NUP62CL: variants seen among roughly 807,000 people sequenced by gnomAD.
The protein encoded by NUP62CL is nucleoporin-62 C-terminal-like protein.
Under a neutral mutation model 15.3 loss-of-function variants are expected in NUP62CL, and 13 were observed. That is an observed-to-expected ratio of 0.85 (90% CI 0.55 to 1.35). The LOEUF (loss-of-function observed/expected upper bound fraction) is 1.35. Among genes scored for constraint, NUP62CL ranks in the 40% most tolerant of loss-of-function variants. NUP62CL has a pLI of 0.00. For synonymous variants in NUP62CL, 54 were observed against 49.2 expected (o/e 1.10, Z -0.41); for missense variants, 123 against 130.6 (o/e 0.94, Z 0.28).
chrX:107,139,331 C>A (rs1365661160), intron 8 of NUP62CL, among the ~76,000 whole-genome samples: 1 of 111,519 alleles, frequency 9.0e-6, no homozygotes, highest in East Asian at 2.8e-4. Flanking sequence ...ACAAGTAAAA[C>A]TGGGGAAATC....
intron 1 of NUP62CL, among the ~76,000 whole-genome samples, chrX:107,202,110 T>G (rs1047024794): frequency 1.8e-5 from 2 of 111,169 alleles, no homozygotes; most frequent in African/African-American, 6.5e-5. Context: ...GGGAAGGAAA[T>G]GAGATTGGGA....
chrX:107,181,553 TAA>T (rs1341611248), intron 2 of NUP62CL, among the ~76,000 whole-genome samples: 1 of 105,223 alleles, frequency 9.5e-6, no homozygotes, highest in Admixed American at 1.0e-4. Context: ...ATTACTTTCC[TAA>T]AAAAAAAAAT....
At chrX:107,166,712 C>T (rs1049407428) in intron 4 of NUP62CL, among the ~76,000 whole-genome samples, 3 of 111,321 alleles carry the variant, frequency 2.7e-5, no homozygotes, top group African/African-American at 9.8e-5. Context: ...ATGGTGCATC[C>T]ACAATACCAT....
intron 4 of NUP62CL, among the ~76,000 whole-genome samples, chrX:107,156,161 G>T (rs763050426): frequency 1.4e-4 from 16 of 111,803 alleles, no homozygotes; most frequent in Admixed American, 5.6e-4. Flanking sequence ...TGCTAGCACA[G>T]CAGTCTGAGA....
chrX:107,193,654 A>C (rs1030671235), intron 1 of NUP62CL, among the ~76,000 whole-genome samples: 2 of 111,043 alleles, frequency 1.8e-5, no homozygotes, highest in Non-Finnish European at 1.9e-5. Context: ...ACATTACTCA[A>C]AAGGGACATC....
chrX:107,135,698 A>T (rs1220259383), intron 8 of NUP62CL, among the ~76,000 whole-genome samples: 1 of 111,624 alleles, frequency 9.0e-6, no homozygotes, highest in Non-Finnish European at 1.9e-5. Context: ...CGCGTTGGCA[A>T]AAATAAATAA....
intron 2 of NUP62CL, among the ~76,000 whole-genome samples, chrX:107,191,341 T>G (rs1927236280): frequency 9.2e-6 from 1 of 108,404 alleles, no homozygotes; most frequent in African/African-American, 3.4e-5. Context: ...TTGATCCACC[T>G]TAAGGGGAAA....
rs1475788611 is a variant in NUP62CL, at chrX:107,160,476, G to T, written c.195-6230C>A. ...GAACAGAGCCCTCAGAAATAACGCCGCATACCTACAACTACCTGATCTTTG... is the reference window on the plus strand; with the variant it reads ...GAACAGAGCCCTCAGAAATAACGCCTCATACCTACAACTACCTGATCTTTG... On this transcript the variant is annotated intron_variant, in intron 4 of 8. Transcript: ENST00000372466. 2.8e-5 allele frequency among the ~76,000 whole-genome samples: 3 copies of T among 107,700 alleles called. No homozygotes were observed. The East Asian group carries it at 9.0e-4, about 32-fold the overall frequency. The allele number at this position is 107,700 out of a possible 115,157, so 93.5% of individuals were successfully genotyped here. A position where few individuals can be genotyped will look rare whatever the true frequency, so the allele number is the denominator to read the frequency against.
chrX:107,204,787 A>AATAAATTATTTAAATAAATTTT (rs1927599824), intron 1 of NUP62CL, among the ~76,000 whole-genome samples: 1 of 87,192 alleles, frequency 1.1e-5, no homozygotes, highest in Non-Finnish European at 2.1e-5. Flanking sequence ...AATAAATTTT[A>AATAAATTATTTAAATAAATTTT]AATAAATTAT....
chrX:107,162,312 C>A (rs1231178470), intron 4 of NUP62CL, among the ~76,000 whole-genome samples: 1 of 109,800 alleles, frequency 9.1e-6, no homozygotes, highest in African/African-American at 3.3e-5. Flanking sequence ...GACTGAAAAA[C>A]GTATTTAAAA....
intron 8 of NUP62CL, among the ~76,000 whole-genome samples, chrX:107,145,858 G>C (rs1428191693): frequency 1.8e-5 from 2 of 110,844 alleles, no homozygotes; most frequent in Non-Finnish European, 3.8e-5. Flanking sequence ...ACTTTTTGAA[G>C]AGTCCAAGCC....
chrX:107,154,009 G>A (rs1351961142), intron 5 of NUP62CL, 87 bp downstream of exon 5: 93 of 920,390 alleles, frequency 1.0e-4, no homozygotes, highest in Non-Finnish European at 1.4e-4. Flanking sequence ...CAACAACAAA[G>A]AAAACCACAA....
intron 1 of NUP62CL, among the ~76,000 whole-genome samples, chrX:107,201,265 A>G (rs1484291466): frequency 1.8e-5 from 2 of 111,584 alleles, no homozygotes; most frequent in African/African-American, 3.3e-5. Context: ...AGGTACACTC[A>G]TGATGTTATT....
intron 8 of NUP62CL, among the ~76,000 whole-genome samples, chrX:107,125,043 A>T (rs1047674027): frequency 2.7e-5 from 3 of 111,602 alleles, no homozygotes; most frequent in African/African-American, 9.8e-5. Flanking sequence ...CATAGGTTTA[A>T]ACTGCGCAAG....
At chrX:107,195,452 A>G (rs1237459017) in intron 1 of NUP62CL, among the ~76,000 whole-genome samples, 1 of 112,148 alleles carries the variant, frequency 8.9e-6, no homozygotes, top group Non-Finnish European at 1.9e-5. Flanking sequence ...AGGAACAACT[A>G]TCATGTCACA....
intron 2 of NUP62CL, among the ~76,000 whole-genome samples, chrX:107,185,563 T>C (rs1045020956): frequency 9.0e-5 from 10 of 110,719 alleles, no homozygotes; most frequent in Non-Finnish European, 1.9e-4. Flanking sequence ...GTATATGATA[T>C]CTAGAGTGAC....
intron 7 of NUP62CL, among the ~76,000 whole-genome samples, chrX:107,149,334 T>C (rs1276958489): frequency 8.9e-6 from 1 of 112,697 alleles, no homozygotes; most frequent in Non-Finnish European, 1.9e-5. Context: ...GGAATTACAA[T>C]GGTAATCTAA....
intron 1 of NUP62CL, among the ~76,000 whole-genome samples, chrX:107,203,722 A>G (rs1051368656): frequency 1.8e-5 from 2 of 111,966 alleles, no homozygotes; most frequent in African/African-American, 6.5e-5. Context: ...AAAAATAACA[A>G]AAAAGTATAT....
intron 7 of NUP62CL, chrX:107,150,959 A>G (rs990482855): frequency 2.9e-6 from 1 of 341,216 alleles, no homozygotes; most frequent in Non-Finnish European, 5.9e-6. Flanking sequence ...ACTTTCTGCT[A>G]ATCTGTAACT....
Sources: allele counts gnomAD v4.1 joint callset (sites outside exome capture counted in the v4.1 genomes callset), GRCh38; gene constraint gnomAD v4.1.1; transcripts MANE v1.5; gene names NCBI Gene and HGNC (gene_info 2026-07-23, HGNC 2026-07-21).